Variants in GRM7 observed in about 807,000 individuals in gnomAD.
The protein encoded by GRM7 is metabotropic glutamate receptor 7.
Under a neutral mutation model 84.5 loss-of-function variants are expected in GRM7, and 35 were observed. The ratio of observed to expected loss-of-function variants is 0.41; its 90% confidence interval spans 0.32 to 0.55. The LOEUF is 0.55. Ranked by LOEUF, GRM7 falls within the 20% of genes least tolerant of loss-of-function variation. The pLI, the probability that GRM7 is intolerant of heterozygous loss-of-function variation, is 0.19. For missense variants in GRM7, 1,003 were observed against 1,194.6 expected, an observed-to-expected ratio of 0.84 and a Z score of 2.36; for synonymous variants, 487 against 455.1, an observed-to-expected ratio of 1.07 and a Z score of -0.89.
At chr3:7,446,389 C>T (rs1375090855) in intron 5 of GRM7, among the ~76,000 whole-genome samples, 1 of 151,862 alleles carries the variant, frequency 6.6e-6, no homozygotes, top group East Asian at 1.9e-4. Context: ...TCTCATAACT[C>T]CATCTCTTTC....
chr3:7,262,854 C>T (rs1698484663), intron 2 of GRM7, among the ~76,000 whole-genome samples: 1 of 152,188 alleles, frequency 6.6e-6, no homozygotes, highest in South Asian at 2.1e-4. Flanking sequence ...TGTGCCACTG[C>T]ACCCAGCTAA....
intron 1 of GRM7, among the ~76,000 whole-genome samples, chr3:7,123,898 T>A (rs1693308082): frequency 6.6e-6 from 1 of 152,248 alleles, no homozygotes; most frequent in South Asian, 2.1e-4. Context: ...GTCTCCATTG[T>A]GTTCAGTTGT....
chr3:6,986,056 C>T (rs570820223), intron 1 of GRM7, among the ~76,000 whole-genome samples: 93 of 152,174 alleles, frequency 6.1e-4, no homozygotes, highest in Admixed American at 1.0e-3. Flanking sequence ...TACCTGGTGG[C>T]CACAGTGGGT....
At chr3:7,245,764 A>G (rs1697734220) in intron 2 of GRM7, among the ~76,000 whole-genome samples, 1 of 152,084 alleles carries the variant, frequency 6.6e-6, no homozygotes, top group African/African-American at 2.4e-5. Flanking sequence ...AAGTATATGG[A>G]CAAATAGAAA....
chr3:7,653,428 A>C (rs1010116642), intron 8 of GRM7, among the ~76,000 whole-genome samples: 3 of 152,134 alleles, frequency 2.0e-5, no homozygotes, highest in Non-Finnish European at 2.9e-5. Context: ...AACAGATCTG[A>C]GAAGCCATTG....
chr3:7,648,655 A>AG (rs546808305), intron 8 of GRM7, among the ~76,000 whole-genome samples: 1 of 111,552 alleles, frequency 9.0e-6, no homozygotes, highest in African/African-American at 5.7e-5. Flanking sequence ...TCTCAAAAAG[A>AG]AAAAAAAAAA....
chr3:7,183,531 G>T (rs1412785412), intron 2 of GRM7, among the ~76,000 whole-genome samples: 2 of 152,160 alleles, frequency 1.3e-5, no homozygotes, highest in East Asian at 3.9e-4. Context: ...GGAGGCTGAG[G>T]CAGGAGACTT....
At chr3:7,578,381 A>T (rs1247983638) in intron 7 of GRM7, 41 bp from the exon 8 acceptor site, 2 of 1,352,052 alleles carry the variant, frequency 1.5e-6, no homozygotes, top group South Asian at 2.6e-5. Context: ...TATTCTCTTG[A>T]AGAATCTGCC....
Position 7,146,639 on chromosome 3 carries a change from A to G in GRM7, c.707A>G (p.Glu236Gly). 2 of 1,613,612 alleles carry G rather than the reference A, an allele frequency of 1.2e-6. No homozygotes were observed. The highest frequency in any genetic ancestry group is 1.7e-6 in the Non-Finnish European group (2 of 1,179,834). Reference sequence around the variant, plus strand: ...GGAAGTTATGGAGAGAAAGGTGTGGAGTCCTTCACGCAGATTTCCAAAGAG... The same window carrying G: ...GGAAGTTATGGAGAGAAAGGTGTGGGGTCCTTCACGCAGATTTCCAAAGAG... ...SEGSYGEKGV[E>G]SFTQISKEAG... is the part of the protein sequence containing the mutation. Residue 236 changes from glutamate to glycine, a missense_variant, in exon 2 of 10, where the codon GAG (glutamate) becomes GGG (glycine). By Grantham distance (98) the Glu-to-Gly change is moderately conservative. Coordinates refer to ENST00000357716, the MANE Select transcript of GRM7 (RefSeq NM_000844.4).
rs541006624 is a variant in GRM7, at chr3:7,723,519, G to A, written c.2699-16838G>A. On this transcript the variant is annotated intron_variant, in intron 9 of 9. Transcript: ENST00000357716. ...CCACAGCAAGCAGAATGTGTTTAAG[G>A]AAAGGCTATAACCCCATCAATCTGA... 9.9e-5 allele frequency among the ~76,000 whole-genome samples: 15 copies of A among 152,236 alleles called. No homozygotes were observed. The South Asian group carries it at 3.1e-3, about 32-fold the overall frequency.
chr3:6,978,038 A>T (rs1694063847), intron 1 of GRM7, among the ~76,000 whole-genome samples: 1 of 150,136 alleles, frequency 6.7e-6, no homozygotes. Flanking sequence ...GAACCTGTAC[A>T]CGTGAGCTTA....
rs186903293 is a variant in GRM7, at chr3:7,687,626, G to A, written c.2698+7331G>A. Among the ~76,000 whole-genome samples the A allele has an allele frequency of 1.9e-3, 289 of 152,192 alleles. 2 individuals are homozygous for A. Among genetic ancestry groups the A allele is most frequent in the Middle Eastern group, 3.4e-3 (1 of 294 alleles). On this transcript the variant is annotated intron_variant, in intron 9 of 9. Coordinates refer to ENST00000357716, the MANE Select transcript of GRM7 (RefSeq NM_000844.4). ...AGAGAGTAAGCAGTGAGGTCATACCGCAGGAGGGGAAAAATATTGCTTAAT... is the reference window on the plus strand; with the variant it reads ...AGAGAGTAAGCAGTGAGGTCATACCACAGGAGGGGAAAAATATTGCTTAAT...
At chr3:7,672,535 A>G (rs1316358594) in intron 8 of GRM7, among the ~76,000 whole-genome samples, 1 of 152,138 alleles carries the variant, frequency 6.6e-6, no homozygotes, top group Non-Finnish European at 1.5e-5. Context: ...GTCACCTGGG[A>G]ACATACAAAA....
chr3:6,937,575 T>A (rs912060464), intron 1 of GRM7, among the ~76,000 whole-genome samples: 1 of 152,150 alleles, frequency 6.6e-6, no homozygotes, highest in African/African-American at 2.4e-5. Context: ...TTGGTAACCA[T>A]TGAAAATTCT....
At chr3:6,997,645 G>T (rs1340640563) in intron 1 of GRM7, among the ~76,000 whole-genome samples, 1 of 152,082 alleles carries the variant, frequency 6.6e-6, no homozygotes, top group African/African-American at 2.4e-5. Flanking sequence ...GAGGTGGGTG[G>T]GGACACCACC....
At position 6,974,277 on chromosome 3, in the gene GRM7, T is replaced by G. The variant is rs142077555; in HGVS notation, c.519+112370T>G. ...AACTGGGGAAAGATCAGGGTCTGAG[T>G]TTTGGAGAAAAAAAATTGACATGTT... On this transcript the variant is annotated intron_variant, in intron 1 of 9. Transcript: ENST00000357716. 1.4e-3 allele frequency among the ~76,000 whole-genome samples: 219 copies of G among 151,882 alleles called. 2 individuals carry two copies. The highest frequency in any genetic ancestry group is 5.2e-3 in the African/African-American group (214 of 41,434).
At chr3:7,558,459 T>C (rs1019096766) in intron 7 of GRM7, among the ~76,000 whole-genome samples, 2 of 152,114 alleles carry the variant, frequency 1.3e-5, no homozygotes, top group Non-Finnish European at 2.9e-5. Context: ...GTAGATTTGA[T>C]GTAGTGCTTC....
At chr3:7,568,803 A>C (rs1694470276) in intron 7 of GRM7, among the ~76,000 whole-genome samples, 1 of 151,978 alleles carries the variant, frequency 6.6e-6, no homozygotes, top group Non-Finnish European at 1.5e-5. Context: ...GCTGCGCTTG[A>C]TTTCTTGCCG....
intron 8 of GRM7, among the ~76,000 whole-genome samples, chr3:7,642,287 G>C (rs910237476): frequency 3.9e-5 from 6 of 152,170 alleles, no homozygotes; most frequent in African/African-American, 1.4e-4. Flanking sequence ...ACTTTAGAGA[G>C]GGGTAGAGTT....
Sources: allele counts gnomAD v4.1 joint callset (sites outside exome capture counted in the v4.1 genomes callset), GRCh38; gene constraint gnomAD v4.1.1; transcripts MANE v1.5; gene names NCBI Gene and HGNC (gene_info 2026-07-23, HGNC 2026-07-21).